Variants in UTRN observed in about 807,000 individuals in gnomAD.
The protein encoded by UTRN is dystrophin-related protein 1.
UTRN carries 283 observed loss-of-function variants against 463.9 expected under a neutral mutation model. That is an observed-to-expected ratio of 0.61 (90% CI 0.55 to 0.67). UTRN has a LOEUF of 0.67. Ranked by LOEUF, UTRN falls within the 30% of genes least tolerant of loss-of-function variation. The probability of loss-of-function intolerance (pLI) is 0.00; values close to 1 mark genes in which losing one functional copy is unlikely to be tolerated. For missense variants in UTRN, 3,922 were observed against 4,084.3 expected, an observed-to-expected ratio of 0.96 and a Z score of 1.08; for synonymous variants, 1,442 against 1,431.5, an observed-to-expected ratio of 1.01 and a Z score of -0.17.
At chr6:144,297,013 G>T (rs1368064775) in intron 2 of UTRN, among the ~76,000 whole-genome samples, 1 of 152,034 alleles carries the variant, frequency 6.6e-6, no homozygotes, top group Non-Finnish European at 1.5e-5. Flanking sequence ...ATAGAGAAAT[G>T]GATAATGTGT....
intron 9 of UTRN, among the ~76,000 whole-genome samples, chr6:144,435,610 T>TCAA (rs760377524): frequency 1.4e-4 from 21 of 152,348 alleles, no homozygotes; most frequent in Middle Eastern, 3.4e-3. Context: ...CATGCCTTGT[T>TCAA]GGGACCATGG....
At chr6:144,548,893 C>G in intron 47 of UTRN, 39 bp downstream of exon 47, 2 of 1,598,836 alleles carry the variant, frequency 1.3e-6, no homozygotes, top group Non-Finnish European at 1.7e-6. Context: ...GGAAACGCCA[C>G]AACCCAGAGG....
At chr6:144,368,690 C>T (rs1464332861) in intron 2 of UTRN, among the ~76,000 whole-genome samples, 1 of 152,050 alleles carries the variant, frequency 6.6e-6, no homozygotes, top group Admixed American at 6.6e-5. Context: ...AGGAGAGTCG[C>T]TTGAACCTGG....
At chr6:144,573,292 C>T (rs1483830775) in intron 50 of UTRN, among the ~76,000 whole-genome samples, 1 of 152,086 alleles carries the variant, frequency 6.6e-6, no homozygotes, top group African/African-American at 2.4e-5. Context: ...GTGGCTCAGC[C>T]TGTAATGCCA....
chr6:144,417,649 AG>A (rs1183984690), intron 3 of UTRN, among the ~76,000 whole-genome samples: 2 of 152,200 alleles, frequency 1.3e-5, no homozygotes, highest in African/African-American at 4.8e-5. Context: ...AAAAATCAAA[AG>A]AAGAGTAATA....
At chr6:144,621,043 TG>T (rs1775314856) in intron 51 of UTRN, among the ~76,000 whole-genome samples, 1 of 152,178 alleles carries the variant, frequency 6.6e-6, no homozygotes, top group African/African-American at 2.4e-5. Flanking sequence ...GAAGTCAGAC[TG>T]TAACCTTGGA....
At chr6:144,476,822 G>A (rs1791259187) in intron 25 of UTRN, among the ~76,000 whole-genome samples, 1 of 152,200 alleles carries the variant, frequency 6.6e-6, no homozygotes, top group East Asian at 1.9e-4. Context: ...ATAGTTCGAG[G>A]AGGGTATGGG....
intron 13 of UTRN, among the ~76,000 whole-genome samples, chr6:144,441,240 A>G (rs1200881001): frequency 3.9e-5 from 6 of 152,238 alleles, no homozygotes; most frequent in Non-Finnish European, 4.4e-5. Flanking sequence ...CTCATCTGAG[A>G]CAAGGCAAGT....
At chr6:144,294,061 C>T (rs1804477207) in intron 2 of UTRN, among the ~76,000 whole-genome samples, 1 of 148,524 alleles carries the variant, frequency 6.7e-6, no homozygotes, top group South Asian at 2.1e-4. Context: ...GAGATTATTA[C>T]TTTTTTTTTT....
chr6:144,523,174 C>T lies in UTRN; in HGVS notation c.5892C>T (p.Tyr1964=). The part of the protein sequence containing the change: ...NAKWDRINRM[Y]SDRKGCFDRA... ...AATGGGACAGAATTAATAGAATGTA[C>T]AGTGATCGGAAAGGGTATGTGTAAA... The change falls in exon 41 of 75, where the codon TAC becomes TAT. Residue 1964 remains tyrosine, a synonymous_variant. Transcript: ENST00000367545. The T allele has an allele frequency of 2.5e-6, 4 of 1,597,472 alleles. No homozygotes were observed. The highest frequency in any genetic ancestry group is 3.4e-6 in the Non-Finnish European group (4 of 1,174,116).
At chr6:144,639,490 C>T (rs994230032) in intron 51 of UTRN, among the ~76,000 whole-genome samples, 37 of 152,186 alleles carry the variant, frequency 2.4e-4, no homozygotes, top group Non-Finnish European at 3.4e-4. Context: ...TTATATGCAA[C>T]TGCTCACTGG....
At position 144,852,410 on chromosome 6, in the gene UTRN, C is replaced by T. The variant is rs1335396325; in HGVS notation, c.*1413C>T. 1 of 152,264 alleles carries T rather than the reference C, an allele frequency of 6.6e-6. No homozygotes were observed. Among genetic ancestry groups the T allele is most frequent in the Non-Finnish European group, 1.5e-5 (1 of 67,992 alleles). The allele number at this position is 152,264 out of a possible 1,614,324, so 9.4% of individuals were successfully genotyped here. A position where few individuals can be genotyped will look rare whatever the true frequency, so the allele number is the denominator to read the frequency against. ...TGATTCAAACCTAAAGACATAAAAA[C>T]ATAAAGACATTTTAACTTTGGGTTC... On this transcript the variant is annotated 3_prime_UTR_variant, in exon 75 of 75. Coordinates refer to ENST00000367545, the MANE Select transcript of UTRN (RefSeq NM_007124.3).
intron 51 of UTRN, among the ~76,000 whole-genome samples, chr6:144,612,254 C>A (rs748289413): frequency 6.6e-6 from 1 of 152,108 alleles, no homozygotes; most frequent in African/African-American, 2.4e-5. Context: ...AATATAAGAC[C>A]TGAAACTGTA....
chr6:144,691,983 T>C (rs1303087049), intron 52 of UTRN, among the ~76,000 whole-genome samples: 1 of 152,168 alleles, frequency 6.6e-6, no homozygotes, highest in Admixed American at 6.5e-5. Flanking sequence ...GATTATTTCA[T>C]CACTCAGGCA....
At chr6:144,330,986 C>A (rs1776293122) in intron 2 of UTRN, 1 of 985,334 alleles carries the variant, frequency 1.0e-6, no homozygotes, top group Admixed American at 6.1e-5. Flanking sequence ...AGATCTGAAT[C>A]CACAAACGGA....
At chr6:144,402,426 C>T (rs1446111901) in intron 2 of UTRN, among the ~76,000 whole-genome samples, 1 of 152,222 alleles carries the variant, frequency 6.6e-6, no homozygotes, top group African/African-American at 2.4e-5. Flanking sequence ...CCAAATCCTT[C>T]TACCCATATT....
chr6:144,518,255 C>T (rs1477571849), intron 39 of UTRN, among the ~76,000 whole-genome samples: 1 of 152,228 alleles, frequency 6.6e-6, no homozygotes, highest in East Asian at 1.9e-4. Context: ...TCCCCAAAGT[C>T]ATGGCTGATC....
intron 3 of UTRN, among the ~76,000 whole-genome samples, chr6:144,412,023 T>C (rs1222353394): frequency 6.6e-6 from 1 of 152,200 alleles, no homozygotes; most frequent in Non-Finnish European, 1.5e-5. Context: ...TTCAGTCTTC[T>C]CTGTGGAAAG....
At position 144,827,200 on chromosome 6, in the gene UTRN, C is replaced by G. The variant is rs766063184; in HGVS notation, c.9495-148C>G. On this transcript the variant is annotated intron_variant, in intron 66 of 74. Coordinates refer to ENST00000367545, the MANE Select transcript of UTRN (RefSeq NM_007124.3). ...CTAGAATACACTGTGACTTCTGTTA[C>G]TTTTGATTTCCCCATGGTGGCTCTC... is the stretch of plus-strand genomic sequence containing the variant. The G allele has an allele frequency of 3.1e-4, 268 of 853,904 alleles. 1 individual carries two copies. The highest frequency in any genetic ancestry group is 6.1e-4 in the South Asian group (36 of 59,134). The allele number at this position is 853,904 out of a possible 1,614,324, so 52.9% of individuals were successfully genotyped here. A position where few individuals can be genotyped will look rare whatever the true frequency, so the allele number is the denominator to read the frequency against.
Sources: gnomAD v4.1 joint callset for allele counts (sites outside exome capture counted in the v4.1 genomes callset) on GRCh38, gnomAD v4.1.1 for gene constraint, MANE v1.5 for transcripts, NCBI Gene and HGNC (gene_info 2026-07-23, HGNC 2026-07-21) for gene names.